The following PLSCR4 variants were observed in gnomAD, a reference collection of about 807,000 sequenced individuals.
PLSCR4 encodes the protein Ca(2+)-dependent phospholipid scramblase 4.
Under a neutral mutation model 36.3 loss-of-function variants are expected in PLSCR4, and 25 were observed. That is an observed-to-expected ratio of 0.69 (90% CI 0.50 to 0.96). PLSCR4 has a LOEUF of 0.96. Among genes scored for constraint, PLSCR4 ranks in the 40% least tolerant of loss-of-function variants. The pLI, the probability that PLSCR4 is intolerant of heterozygous loss-of-function variation, is 0.00. For missense variants in PLSCR4, 408 were observed against 414.7 expected (o/e 0.98, Z 0.14); for synonymous variants, 122 against 132.9 (o/e 0.92, Z 0.56).
chr3:146,194,074 C>G lies in PLSCR4; in HGVS notation c.*337G>C, dbSNP rs2033570582. ...TGCCAACAAAGTCTGCTCTAAAAAG[C>G]CTTATTGTTTCACTACCTATTAATA... On this transcript the variant is annotated 3_prime_UTR_variant, in exon 9 of 9. Coordinates refer to ENST00000354952, the MANE Select transcript of PLSCR4 (RefSeq NM_020353.3). 5.1e-6 allele frequency: 1 copy of G among 197,948 alleles called. No individual in the cohort carries two copies. The highest frequency in any genetic ancestry group is 2.3e-5 in the African/African-American group (1 of 43,112). The allele number at this position is 197,948 out of a possible 1,614,324, so 12.3% of individuals were successfully genotyped here. A position where few individuals can be genotyped will look rare whatever the true frequency, so the allele number is the denominator to read the frequency against.
At chr3:146,219,766 A>C (rs535375582) in intron 3 of PLSCR4, among the ~76,000 whole-genome samples, 142 of 152,170 alleles carry the variant, frequency 9.3e-4, no homozygotes, top group Non-Finnish European at 1.5e-3. Context: ...ACAAAAAACA[A>C]AGAACAAAAA....
Position 146,206,232 on chromosome 3 carries a change from A to G in PLSCR4, c.354+294T>C, listed in dbSNP as rs557748274. The stretch of plus-strand genomic sequence containing the variant: ...TAAGCAAATAACACAACTATCCTCT[A>G]TGATAGTTTTTCTATTTCCATTTGT... On this transcript the variant is annotated intron_variant, in intron 4 of 8. Transcript: ENST00000354952. Among the ~76,000 whole-genome samples the G allele has an allele frequency of 6.4e-4, 98 of 152,206 alleles. 2 individuals are homozygous for G. Among genetic ancestry groups the G allele is most frequent in the Admixed American group, 6.4e-3 (97 of 15,254 alleles).
intron 1 of PLSCR4, among the ~76,000 whole-genome samples, chr3:146,241,410 G>C: frequency 6.6e-6 from 1 of 152,004 alleles, no homozygotes; most frequent in East Asian, 1.9e-4. Flanking sequence ...TCAGAGCAAA[G>C]AAAATTACCA....
intron 6 of PLSCR4, 49 bp downstream of exon 6, chr3:146,199,764 G>A (rs1304262308): frequency 1.4e-6 from 2 of 1,410,786 alleles, no homozygotes; most frequent in Admixed American, 1.8e-5. Flanking sequence ...ACTATGCCAT[G>A]AAGAGTTAGA....
chr3:146,237,767 A>G (rs1052015001), intron 1 of PLSCR4, among the ~76,000 whole-genome samples: 1 of 151,298 alleles, frequency 6.6e-6, no homozygotes, highest in Non-Finnish European at 1.5e-5. Flanking sequence ...AAAGCTCTTA[A>G]ATAAATAACA....
chr3:146,243,564 C>A (rs1189412346), intron 1 of PLSCR4, among the ~76,000 whole-genome samples: 1 of 152,116 alleles, frequency 6.6e-6, no homozygotes, highest in Non-Finnish European at 1.5e-5. Flanking sequence ...ACTTTCAGCA[C>A]CAACATGATG....
At chr3:146,229,735 C>G (rs1454542366) in intron 1 of PLSCR4, among the ~76,000 whole-genome samples, 1 of 151,784 alleles carries the variant, frequency 6.6e-6, no homozygotes, top group Non-Finnish European at 1.5e-5. Context: ...CGCCATTCTC[C>G]TGCCTCAGCC....
intron 4 of PLSCR4, among the ~76,000 whole-genome samples, 176 bp from the exon 5 acceptor site, chr3:146,201,253 C>T (rs2034033546): frequency 6.6e-6 from 1 of 152,100 alleles, no homozygotes; most frequent in Non-Finnish European, 1.5e-5. Flanking sequence ...TGCATCTGAT[C>T]GGATGGATAT....
chr3:146,227,158 G>C (rs1285823200), intron 1 of PLSCR4, among the ~76,000 whole-genome samples: 1 of 152,108 alleles, frequency 6.6e-6, no homozygotes, highest in African/African-American at 2.4e-5. Context: ...TGAAAAAATT[G>C]ATTTTTGGCT....
At chr3:146,244,610 T>C (rs1210125820) in intron 1 of PLSCR4, among the ~76,000 whole-genome samples, 1 of 152,002 alleles carries the variant, frequency 6.6e-6, no homozygotes, top group African/African-American at 2.4e-5. Flanking sequence ...ACCATGCCTA[T>C]ATAAGATGGT....
intron 3 of PLSCR4, among the ~76,000 whole-genome samples, chr3:146,212,098 G>A (rs2034654859): frequency 1.3e-5 from 2 of 152,058 alleles, no homozygotes; most frequent in Admixed American, 1.3e-4. Flanking sequence ...TAAGAATTGT[G>A]TTGAATCTGT....
At chr3:146,217,779 T>C (rs2034962076) in intron 3 of PLSCR4, among the ~76,000 whole-genome samples, 1 of 152,164 alleles carries the variant, frequency 6.6e-6, no homozygotes, top group African/African-American at 2.4e-5. Context: ...TGGTGATCAT[T>C]GAGTTTGAGA....
At chr3:146,239,661 A>C (rs2036065896) in intron 1 of PLSCR4, among the ~76,000 whole-genome samples, 1 of 152,184 alleles carries the variant, frequency 6.6e-6, no homozygotes, top group South Asian at 2.1e-4. Context: ...AGGCAGGAGA[A>C]TCACCTGAGG....
At chr3:146,241,386 C>G (rs2036144239) in intron 1 of PLSCR4, among the ~76,000 whole-genome samples, 1 of 152,092 alleles carries the variant, frequency 6.6e-6, no homozygotes, top group Non-Finnish European at 1.5e-5. Flanking sequence ...ATACTAATAT[C>G]TCACAAGTAG....
At chr3:146,198,551 T>C (rs968323282) in intron 6 of PLSCR4, among the ~76,000 whole-genome samples, 1 of 151,914 alleles carries the variant, frequency 6.6e-6, no homozygotes, top group African/African-American at 2.4e-5. Flanking sequence ...CAGACACACA[T>C]CACCAGGCCT....
At chr3:146,199,753 C>T in intron 6 of PLSCR4, 60 bp downstream of exon 6, 1 of 1,321,384 alleles carries the variant, frequency 7.6e-7, no homozygotes, top group South Asian at 1.2e-5. Flanking sequence ...GGAAGGAGCA[C>T]ACTATGCCAT....
chr3:146,195,340 T>TGC, intron 7 of PLSCR4, 58 bp from the exon 8 acceptor site: 1 of 1,334,788 alleles, frequency 7.5e-7, no homozygotes, highest in Non-Finnish European at 1.1e-6. Flanking sequence ...CATGTTTTAA[T>TGC]GTTCTGCTTA....
intron 1 of PLSCR4, among the ~76,000 whole-genome samples, chr3:146,250,227 A>G (rs971839601): frequency 6.6e-6 from 1 of 152,182 alleles, no homozygotes; most frequent in African/African-American, 2.4e-5. Context: ...GTGTTCTATT[A>G]CTATTACAGG....
At chr3:146,232,016 T>C (rs1170698225) in intron 1 of PLSCR4, among the ~76,000 whole-genome samples, 1 of 152,192 alleles carries the variant, frequency 6.6e-6, no homozygotes, top group Admixed American at 6.5e-5. Context: ...TTAATCCATT[T>C]TGAGTTGATT....
Sources: allele counts gnomAD v4.1 joint callset (sites outside exome capture counted in the v4.1 genomes callset), GRCh38; gene constraint gnomAD v4.1.1; transcripts MANE v1.5; gene names NCBI Gene and HGNC (gene_info 2026-07-23, HGNC 2026-07-21).